The following OSBPL3 variants were observed in gnomAD, a reference collection of about 807,000 sequenced individuals.
OSBPL3 encodes the protein oxysterol-binding protein-related protein 3.
A neutral mutation model predicts 120.1 loss-of-function variants in OSBPL3; 65 were observed. The ratio of observed to expected loss-of-function variants is 0.54; its 90% CI spans 0.44 to 0.67. OSBPL3 has a LOEUF of 0.67. Among genes scored for constraint, OSBPL3 ranks in the 30% least tolerant of loss-of-function variants. The pLI is 0.00. For synonymous variants in OSBPL3, 416 were observed against 402.6 expected, an observed-to-expected ratio of 1.03 and a Z score of -0.40; for missense variants, 1,004 against 1,082.1, an observed-to-expected ratio of 0.93 and a Z score of 1.01.
At chr7:24,957,256 C>T (rs1410600446) in intron 1 of OSBPL3, among the ~76,000 whole-genome samples, 4 of 151,840 alleles carry the variant, frequency 2.6e-5, no homozygotes, top group South Asian at 2.1e-4. Flanking sequence ...AAATCCAATG[C>T]CTGCCTTCCG....
In OSBPL3 at chr7:24,865,428, C is replaced by G; in HGVS notation, c.587G>C (p.Gly196Ala). The G allele has an allele frequency of 6.2e-7, 1 of 1,613,432 alleles. No homozygotes were observed. The highest frequency in any genetic ancestry group is 8.5e-7 in the Non-Finnish European group (1 of 1,179,372). ...ACCACAAGAAAATGATACATTGCTT[C>G]CAGTTTGAAATAAATTCTGCTTTGA... ...SISKQNLFQT[G>A]SNVSFSCGGE... The change falls in exon 7 of 23, where the codon GGA becomes GCA. Residue 196 changes from glycine to alanine, a missense_variant. Physicochemically the swap from Gly to Ala is moderately conservative, Grantham distance 60. Around this residue, in one of 4 missense-constraint regions of OSBPL3, gnomAD observed 255 missense variants for 248.7 expected, o/e 1.03. Coordinates refer to ENST00000313367, the MANE Select transcript of OSBPL3 (RefSeq NM_015550.4).
chr7:24,975,970 C>A (rs1817541584), intron 1 of OSBPL3, among the ~76,000 whole-genome samples: 1 of 152,130 alleles, frequency 6.6e-6, no homozygotes, highest in Non-Finnish European at 1.5e-5. Flanking sequence ...CTCAGACTAC[C>A]AGCTCACAGG....
chr7:24,828,293 T>A lies in OSBPL3; in HGVS notation c.1884+2475A>T, dbSNP rs533431033. Reference sequence around the variant, plus strand: ...CACCTACCTCAGCCTTCCAAACTCTTACTATTCTTAACACTTTATATTAAA... The same window carrying A: ...CACCTACCTCAGCCTTCCAAACTCTAACTATTCTTAACACTTTATATTAAA... On this transcript the variant is annotated intron_variant, in intron 16 of 22. Transcript: ENST00000313367. Among the ~76,000 whole-genome samples the A allele has an allele frequency of 2.6e-5, 4 of 152,276 alleles. No homozygotes were observed. In the South Asian group the frequency reaches 8.3e-4, roughly 32 times the overall value.
rs11984281 is a variant in OSBPL3 at position 24,863,059 on chromosome 7, T to C, written c.870+141A>G. On this transcript the variant is annotated intron_variant, in intron 9 of 22. Transcript: ENST00000313367. The surrounding 1 kb of genome is among the most constrained non-coding windows in gnomAD (Gnocchi z 5.8). Reference sequence around the variant, plus strand: ...GATAATCTAAGTGATTCAATTCATCTCGCTACAGAGGACACTGGAAAGAAC... The same window carrying C: ...GATAATCTAAGTGATTCAATTCATCCCGCTACAGAGGACACTGGAAAGAAC... 2.7e-3 allele frequency: 1,738 copies of C among 641,768 alleles called. 28 individuals are homozygous for C. In the African/African-American group the frequency reaches 0.027, roughly 10 times the overall value. 39.8% of individuals were successfully genotyped at this position (641,768 alleles called of 1,614,324 possible).
In OSBPL3 at chr7:24,979,621, G is replaced by A. The variant is rs370069605; in HGVS notation, c.-150+265C>T. Among the ~76,000 whole-genome samples, 10 of 152,132 alleles carry A rather than the reference G, an allele frequency of 6.6e-5. No homozygotes were observed. In the East Asian group the frequency reaches 1.8e-3, roughly 27 times the overall value. ...GCGGCCCCTGCGCTCGGCTCCTCCT[G>A]GCGGTCAATCCTCTGAGCCGTCCCT... is the stretch of plus-strand genomic sequence containing the variant. On this transcript the variant is annotated intron_variant, in intron 1 of 22. Transcript: ENST00000313367.
At chr7:24,943,755 A>T (rs112136363) in intron 1 of OSBPL3, among the ~76,000 whole-genome samples, 1 of 152,246 alleles carries the variant, frequency 6.6e-6, no homozygotes, top group African/African-American at 2.4e-5. Flanking sequence ...GGTGCTGACT[A>T]TATCTTCACT....
chr7:24,813,652 T>C lies in OSBPL3; in HGVS notation c.2172+1407A>G, dbSNP rs963315665. On this transcript the variant is annotated intron_variant, in intron 19 of 22. Coordinates refer to ENST00000313367, the MANE Select transcript of OSBPL3 (RefSeq NM_015550.4). The surrounding 1 kb of genome is among the most constrained non-coding windows in gnomAD (Gnocchi z 4.5). ...AGACCCCAATCCACCTCTTCCTAAG[T>C]ATTCCCTATAGGTTACAGGTGGTGC... 9.8e-5 allele frequency among the ~76,000 whole-genome samples: 15 copies of C among 152,322 alleles called. No individual in the cohort carries two copies. In the East Asian group the frequency reaches 2.9e-3, roughly 29 times the overall value.
At position 24,865,474 on chromosome 7, in the gene OSBPL3, C is replaced by A. The variant is rs369428367; in HGVS notation, c.550-9G>T. 1 of 1,612,390 alleles carries A rather than the reference C, an allele frequency of 6.2e-7. No homozygotes were observed. The highest frequency in any genetic ancestry group is 8.5e-7 in the Non-Finnish European group (1 of 1,179,144). On this transcript the variant is annotated splice_polypyrimidine_tract_variant and intron_variant, in intron 6 of 22. Coordinates refer to ENST00000313367, the MANE Select transcript of OSBPL3 (RefSeq NM_015550.4). ...TTTGATATACTGCTACGCTGTTCCA[C>A]GGATGACAAAAGCACATTGTAAATG...
rs1299363053 is a variant in OSBPL3, at chr7:24,972,383, C to A, written c.-150+7503G>T. Reference sequence around the variant, plus strand: ...TCTCTTCCTTCAGCAACCTGAATCACAACCTACAGAAAAATGGAACCTTTC... The same window carrying A: ...TCTCTTCCTTCAGCAACCTGAATCAAAACCTACAGAAAAATGGAACCTTTC... On this transcript the variant is annotated intron_variant, in intron 1 of 22. Transcript: ENST00000313367. The surrounding 1 kb of genome is among the most constrained non-coding windows in gnomAD (Gnocchi z 4.3). Among the ~76,000 whole-genome samples, 36 of 152,216 alleles carry A rather than the reference C, an allele frequency of 2.4e-4. No individual in the cohort carries two copies. The highest frequency in any genetic ancestry group is 2.4e-3 in the Admixed American group (36 of 15,290).
rs1336218996 is a variant in OSBPL3, at chr7:24,952,856, A to T, written c.-150+27030T>A. Reference sequence around the variant, plus strand: ...TCCCCTCCCCAATCTCATTTAAAATAACTCTGGGATGGCCAATGCCTGTAA... The same window carrying T: ...TCCCCTCCCCAATCTCATTTAAAATTACTCTGGGATGGCCAATGCCTGTAA... On this transcript the variant is annotated intron_variant, in intron 1 of 22. Coordinates refer to ENST00000313367, the MANE Select transcript of OSBPL3 (RefSeq NM_015550.4). This position sits in a 1 kb window ranked among gnomAD's most constrained non-coding sequence, Gnocchi z 4.4. Among the ~76,000 whole-genome samples, 5 of 152,180 alleles carry T rather than the reference A, an allele frequency of 3.3e-5. No individual in the cohort carries two copies.
Position 24,796,801 on chromosome 7 carries a change from A to T in OSBPL3, c.*3382T>A, listed in dbSNP as rs1233113328. The T allele has an allele frequency of 6.6e-6, 1 of 152,252 alleles. No homozygotes were observed. The highest frequency in any genetic ancestry group is 2.4e-5 in the African/African-American group (1 of 41,466). The allele number at this position is 152,252 out of a possible 1,614,324, so 9.4% of individuals were successfully genotyped here. Reference sequence around the variant, plus strand: ...AAAATGGTTTGCACTTTAGACTGTCATGATTTGCAGATATTTACATGACGC... The same window carrying T: ...AAAATGGTTTGCACTTTAGACTGTCTTGATTTGCAGATATTTACATGACGC... On this transcript the variant is annotated 3_prime_UTR_variant, in exon 23 of 23. Transcript: ENST00000313367. This position sits in a 1 kb window ranked among gnomAD's most constrained non-coding sequence, Gnocchi z 5.2.
At chr7:24,846,374 C>T (rs1445113662) in intron 12 of OSBPL3, among the ~76,000 whole-genome samples, 2 of 152,160 alleles carry the variant, frequency 1.3e-5, no homozygotes, top group East Asian at 3.9e-4. Flanking sequence ...TCTCTTGTTT[C>T]TCAAATGAAA....
In OSBPL3 at chr7:24,852,583, T is replaced by C. The variant is rs762087399; in HGVS notation, c.1079A>G (p.Lys360Arg). Residue 360 changes from lysine (K) to arginine (R), a missense_variant, in exon 11 of 23, where the codon AAA (lysine) becomes AGA (arginine). Physicochemically the swap from Lys to Arg is conservative, Grantham distance 26 (BLOSUM62 2). Around this residue, in one of 4 missense-constraint regions of OSBPL3, gnomAD observed 272 missense variants for 248.8 expected, o/e 1.09. Transcript: ENST00000313367. The surrounding 1 kb of genome is among the most constrained non-coding windows in gnomAD (Gnocchi z 4.1). ...AFNIMSAERE[K>R]LKQLMEQDAS... Reference sequence around the variant, plus strand: ...ATCCTGCTCCATCAGCTGCTTCAGTTTCTCTCTCTCCGCTGACATGATATT... The same window carrying C: ...ATCCTGCTCCATCAGCTGCTTCAGTCTCTCTCTCTCCGCTGACATGATATT... 7 of 1,610,134 alleles carry C rather than the reference T, an allele frequency of 4.3e-6. No individual in the cohort carries two copies. Among genetic ancestry groups the C allele is most frequent in the Non-Finnish European group, 8.5e-7 (1 of 1,178,512 alleles).
chr7:24,940,299 G>A lies in OSBPL3; in HGVS notation c.-150+39587C>T, dbSNP rs1327570589. On this transcript the variant is annotated intron_variant, in intron 1 of 22. Coordinates refer to ENST00000313367, the MANE Select transcript of OSBPL3 (RefSeq NM_015550.4). This position sits in a 1 kb window ranked among gnomAD's most constrained non-coding sequence, Gnocchi z 4.4. ...AACTGAGTACAAAGACAGAAGAAGTGGACTGTTGTGTTGAAACACAGTTGG... is the reference window on the plus strand; with the variant it reads ...AACTGAGTACAAAGACAGAAGAAGTAGACTGTTGTGTTGAAACACAGTTGG... Among the ~76,000 whole-genome samples the A allele has an allele frequency of 6.6e-6, 1 of 152,160 alleles. No homozygotes were observed. Among genetic ancestry groups the A allele is most frequent in the East Asian group, 1.9e-4 (1 of 5,188 alleles).
In OSBPL3 at chr7:24,879,400, C is replaced by T. The variant is rs918281656; in HGVS notation, c.97-7331G>A. Among the ~76,000 whole-genome samples, 17 of 152,228 alleles carry T rather than the reference C, an allele frequency of 1.1e-4. No homozygotes were observed. Among genetic ancestry groups the T allele is most frequent in the Admixed American group, 5.9e-4 (9 of 15,286 alleles). On this transcript the variant is annotated intron_variant, in intron 2 of 22. Transcript: ENST00000313367. The surrounding 1 kb of genome is among the most constrained non-coding windows in gnomAD (Gnocchi z 5.6). ...GGGAGTAGCAGTCATCACCCGCCACCGTCACCATCCCTTCTTTCCCTTCAC... is the reference window on the plus strand; with the variant it reads ...GGGAGTAGCAGTCATCACCCGCCACTGTCACCATCCCTTCTTTCCCTTCAC...
intron 14 of OSBPL3, among the ~76,000 whole-genome samples, chr7:24,840,234 C>T (rs1797564762): frequency 6.6e-6 from 1 of 152,022 alleles, no homozygotes; most frequent in Non-Finnish European, 1.5e-5. Context: ...CTACACAGCT[C>T]ACCCTTGAAC....
At chr7:24,906,146 G>A (rs1200633550) in intron 1 of OSBPL3, 1 of 188,054 alleles carries the variant, frequency 5.3e-6, no homozygotes, top group East Asian at 1.6e-4. Context: ...GTCATTCTGG[G>A]CTCAGCAGGC....
At position 24,916,632 on chromosome 7, in the gene OSBPL3, T is replaced by C. The variant is rs1225508482; in HGVS notation, c.-149-24011A>G. Reference sequence around the variant, plus strand: ...TTCTTCATTCCCTGACCCTCTTCTCTGGCTGTGTCTCAACTGTTGGAGAAA... The same window carrying C: ...TTCTTCATTCCCTGACCCTCTTCTCCGGCTGTGTCTCAACTGTTGGAGAAA... On this transcript the variant is annotated intron_variant, in intron 1 of 22. Transcript: ENST00000313367. The surrounding 1 kb of genome is among the most constrained non-coding windows in gnomAD (Gnocchi z 4.9). Among the ~76,000 whole-genome samples, 1 of 152,126 alleles carries C rather than the reference T, an allele frequency of 6.6e-6. No homozygotes were observed. The highest frequency in any genetic ancestry group is 1.5e-5 in the Non-Finnish European group (1 of 68,024).
intron 19 of OSBPL3, among the ~76,000 whole-genome samples, chr7:24,811,046 T>A (rs1223071841): frequency 6.6e-6 from 1 of 152,236 alleles, no homozygotes; most frequent in African/African-American, 2.4e-5. Context: ...ATACACCCAG[T>A]AGTGGGATTG....
Sources: allele counts gnomAD v4.1 joint callset (sites outside exome capture counted in the v4.1 genomes callset), GRCh38; gene constraint gnomAD v4.1.1; regional missense constraint gnomAD v4.1.1; non-coding constraint Gnocchi (gnomAD v3.1); transcripts MANE v1.5; gene names NCBI Gene and HGNC (gene_info 2026-07-23, HGNC 2026-07-21).